SH3PXD2B: variants seen among roughly 807,000 people sequenced by gnomAD.
SH3PXD2B encodes the protein SH3 and PX domains 2B.
SH3PXD2B carries 37 observed loss-of-function variants against 73.1 expected under a neutral mutation model. The ratio of observed to expected loss-of-function variants is 0.51; its 90% CI spans 0.39 to 0.67. The LOEUF (loss-of-function observed/expected upper bound fraction) is 0.67. Among genes scored for constraint, SH3PXD2B ranks in the 30% least tolerant of loss-of-function variants. The pLI is 0.00. For synonymous variants in SH3PXD2B, 457 were observed against 480.5 expected, an observed-to-expected ratio of 0.95 and a Z score of 0.64; for missense variants, 1,053 against 1,197.8, an observed-to-expected ratio of 0.88 and a Z score of 1.78.
intron 1 of SH3PXD2B, among the ~76,000 whole-genome samples, chr5:172,431,592 A>G (rs1430792249): frequency 1.3e-5 from 2 of 152,254 alleles, no homozygotes; most frequent in Admixed American, 1.3e-4. Context: ...GGTAAAAAGA[A>G]CAAGCTAAAA....
chr5:172,413,134 G>A (rs538002800), intron 2 of SH3PXD2B, among the ~76,000 whole-genome samples: 9 of 152,312 alleles, frequency 5.9e-5, no homozygotes, highest in South Asian at 2.1e-4. Context: ...AAGTCCCAGC[G>A]GAGCCGGAGC....
At chr5:172,428,278 T>C (rs1162989473) in intron 1 of SH3PXD2B, among the ~76,000 whole-genome samples, 1 of 152,062 alleles carries the variant, frequency 6.6e-6, no homozygotes, top group Non-Finnish European at 1.5e-5. Flanking sequence ...GGACAAAACT[T>C]AAAGAGACAC....
chr5:172,365,801 G>C (rs752076419), intron 6 of SH3PXD2B, among the ~76,000 whole-genome samples: 21 of 152,198 alleles, frequency 1.4e-4, no homozygotes, highest in Non-Finnish European at 3.1e-4. Context: ...TCCAGTGAAT[G>C]AATGAATGTA....
chr5:172,334,292 T>TTCCAGCTC lies in SH3PXD2B; in HGVS notation c.*4069_*4076dup. 1.0e-6 allele frequency: 1 copy of TTCCAGCTC among 1,000,738 alleles called. No individual in the cohort carries two copies. The highest frequency in any genetic ancestry group is 1.2e-6 in the Non-Finnish European group (1 of 841,548). 62.0% of individuals were successfully genotyped at this position (1,000,738 alleles called of 1,614,324 possible). A position where few individuals can be genotyped will look rare whatever the true frequency, so the allele number is the denominator to read the frequency against. On this transcript the variant is annotated 3_prime_UTR_variant, in exon 13 of 13. Transcript: ENST00000311601. ...CAGGCAAGGACTGTGGAGCCTCCGG[T>TTCCAGCTC]TCCAGCTCTGCAGCTCTGCCTGGGA...
chr5:172,433,580 G>C (rs1396860922), intron 1 of SH3PXD2B, among the ~76,000 whole-genome samples: 3 of 152,132 alleles, frequency 2.0e-5, no homozygotes, highest in Non-Finnish European at 4.4e-5. Context: ...CAGTCCTAGG[G>C]CCACCAAGGA....
chr5:172,362,139 A>G (rs1757417003), intron 7 of SH3PXD2B, among the ~76,000 whole-genome samples: 1 of 152,234 alleles, frequency 6.6e-6, no homozygotes, highest in Non-Finnish European at 1.5e-5. Flanking sequence ...ATCTCACTTA[A>G]TCTTTACAAT....
In SH3PXD2B at chr5:172,338,182, G is replaced by A. The variant is rs1261706580; in HGVS notation, c.*187C>T. ...GCCTCCAGTGATGCTGTGATAGGAG[G>A]GATCAGGCCCAGGGGCGCCCGAGGT... On this transcript the variant is annotated 3_prime_UTR_variant, in exon 13 of 13. Coordinates refer to ENST00000311601, the MANE Select transcript of SH3PXD2B (RefSeq NM_001017995.3). This position sits in a 1 kb window ranked among gnomAD's most constrained non-coding sequence, Gnocchi z 5.1. The A allele has an allele frequency of 2.0e-5, 29 of 1,478,222 alleles. No individual in the cohort carries two copies. The highest frequency in any genetic ancestry group is 2.5e-4 in the Middle Eastern group (1 of 4,022). 91.6% of individuals were successfully genotyped at this position (1,478,222 alleles called of 1,614,324 possible).
intron 2 of SH3PXD2B, among the ~76,000 whole-genome samples, chr5:172,417,840 T>C (rs894886752): frequency 1.3e-5 from 2 of 152,338 alleles, no homozygotes; most frequent in Non-Finnish European, 2.9e-5. Context: ...GAGTGTTCAA[T>C]GTAGTGGCTT....
In SH3PXD2B at chr5:172,338,579, G is replaced by A; in HGVS notation, c.2526C>T (p.Ala842=). The change falls in exon 13 of 13, where the codon GCC becomes GCT. Residue 842 remains alanine, a synonymous_variant. Transcript: ENST00000311601. This position sits in a 1 kb window ranked among gnomAD's most constrained non-coding sequence, Gnocchi z 5.1. ...IGENREKAAA[A]SVPNADGLKD... is the part of the protein sequence containing the mutation. Reference sequence around the variant, plus strand: ...TCAGGCCGTCGGCATTGGGGACAGAGGCTGCAGCTGCTTTCTCCCTGTTTT... The same window carrying A: ...TCAGGCCGTCGGCATTGGGGACAGAAGCTGCAGCTGCTTTCTCCCTGTTTT... 6.2e-7 allele frequency: 1 copy of A among 1,614,154 alleles called. No individual in the cohort carries two copies.
intron 1 of SH3PXD2B, among the ~76,000 whole-genome samples, chr5:172,430,103 C>T (rs112814717): frequency 2.0e-5 from 3 of 152,278 alleles, no homozygotes; most frequent in South Asian, 2.1e-4. Flanking sequence ...AAAGTTGGGG[C>T]GAGGATGAAA....
intron 9 of SH3PXD2B, among the ~76,000 whole-genome samples, chr5:172,351,177 C>T (rs1020209449): frequency 6.6e-6 from 1 of 152,206 alleles, no homozygotes; most frequent in Non-Finnish European, 1.5e-5. Context: ...TCACCCAGGC[C>T]AGAGTGCAGT....
chr5:172,395,052 C>T (rs1288289263), intron 3 of SH3PXD2B, among the ~76,000 whole-genome samples: 1 of 152,012 alleles, frequency 6.6e-6, no homozygotes, highest in Admixed American at 6.6e-5. Context: ...CAGTCTCCTC[C>T]CTTCTCCTCA....
At chr5:172,349,235 A>C (rs1207228397) in intron 10 of SH3PXD2B, among the ~76,000 whole-genome samples, 1 of 152,208 alleles carries the variant, frequency 6.6e-6, no homozygotes, top group Non-Finnish European at 1.5e-5. Flanking sequence ...CAAGAAGTTC[A>C]CTGCCACTTA....
chr5:172,328,840 C>T (rs188335739), downstream of SH3PXD2B, among the ~76,000 whole-genome samples: 273 of 152,024 alleles, frequency 1.8e-3, 1 homozygote, highest in Non-Finnish European at 2.9e-3. Flanking sequence ...GTCACTCTTT[C>T]CCAGGGAGAG....
At chr5:172,344,616 A>AT (rs1756942849) in intron 12 of SH3PXD2B, among the ~76,000 whole-genome samples, 2 of 149,354 alleles carry the variant, frequency 1.3e-5, no homozygotes, top group African/African-American at 2.4e-5. Context: ...AAAAAAAAAA[A>AT]GGAGGCACTC....
At chr5:172,409,264 C>G (rs1286365246) in intron 2 of SH3PXD2B, among the ~76,000 whole-genome samples, 1 of 152,022 alleles carries the variant, frequency 6.6e-6, no homozygotes, top group East Asian at 1.9e-4. Flanking sequence ...CACCTGTAAT[C>G]CCAGCTACTA....
intron 2 of SH3PXD2B, 146 bp from the exon 3 acceptor site, chr5:172,406,498 G>C: frequency 1.1e-6 from 1 of 875,086 alleles, no homozygotes; most frequent in African/African-American, 1.7e-5. Context: ...CAAACTAATG[G>C]GAAAGGCAAT....
Position 172,335,243 on chromosome 5 carries a change from GAAA to G in SH3PXD2B, c.*3123_*3125del. ...TGTTAATAAGCAGGGGTGAGGGGAA[GAAA>G]AAAAAATCTCTGCCCACCTTTTGGG... On this transcript the variant is annotated 3_prime_UTR_variant, in exon 13 of 13. Transcript: ENST00000311601. The G allele has an allele frequency of 9.5e-7, 1 of 1,056,108 alleles. No individual in the cohort carries two copies. Among genetic ancestry groups the G allele is most frequent in the Non-Finnish European group, 1.1e-6 (1 of 875,452 alleles). The allele number at this position is 1,056,108 out of a possible 1,614,324, so 65.4% of individuals were successfully genotyped here.
chr5:172,337,872 C>T lies in SH3PXD2B; in HGVS notation c.*497G>A. ...AATGCATTTCTTCAGGATGAAGTTC[C>T]TTCTGGTAGCAGGCAATTTAGGAGG... On this transcript the variant is annotated 3_prime_UTR_variant, in exon 13 of 13. Coordinates refer to ENST00000311601, the MANE Select transcript of SH3PXD2B (RefSeq NM_001017995.3). The T allele has an allele frequency of 9.9e-7, 1 of 1,008,022 alleles. No homozygotes were observed. Among genetic ancestry groups the T allele is most frequent in the Non-Finnish European group, 1.2e-6 (1 of 842,966 alleles). The allele number at this position is 1,008,022 out of a possible 1,614,324, so 62.4% of individuals were successfully genotyped here. A position where few individuals can be genotyped will look rare whatever the true frequency, so the allele number is the denominator to read the frequency against.
Sources: allele counts gnomAD v4.1 joint callset (sites outside exome capture counted in the v4.1 genomes callset), GRCh38; gene constraint gnomAD v4.1.1; non-coding constraint Gnocchi (gnomAD v3.1); transcripts MANE v1.5; gene names NCBI Gene and HGNC (gene_info 2026-07-23, HGNC 2026-07-21).